The following APAF1 variants were observed in gnomAD, a reference collection of about 807,000 sequenced individuals.
The protein encoded by APAF1 is apoptotic peptidase activating factor 1, also known as apoptotic protease-activating factor 1.
A neutral mutation model predicts 152.4 loss-of-function variants in APAF1; 91 were observed. That is an observed-to-expected ratio of 0.60 (90% CI 0.50 to 0.71). The LOEUF (loss-of-function observed/expected upper bound fraction) is 0.71, where lower values mean the gene tolerates loss of function less well. Among genes scored for constraint, APAF1 ranks in the 30% least tolerant of loss-of-function variants. The pLI is 0.00. For missense variants in APAF1, 1,283 were observed against 1,472.0 expected (o/e 0.87, Z 2.10); for synonymous variants, 484 against 494.1 (o/e 0.98, Z 0.27).
intron 21 of APAF1, chr12:98,712,725 G>A (rs556673660): frequency 1.2e-4 from 42 of 337,904 alleles, no homozygotes; most frequent in Non-Finnish European, 2.0e-4. Context: ...TGTTGCCCAG[G>A]CTGGTCTCAA....
Position 98,671,628 on chromosome 12 carries a change from C to G in APAF1, c.1702C>G (p.Leu568Val). Residue 568 changes from leucine (L) to valine (V), a missense_variant, in exon 12 of 27, where the codon CTC becomes GTC. Physicochemically the swap from Leu to Val is conservative, Grantham distance 32 (BLOSUM62 1). Transcript: ENST00000551964. ...QPFPNIVQLG[L>V]CEPETSEVYQ... The stretch of plus-strand genomic sequence containing the variant: ...ATTTCCTAATATTGTACAACTGGGT[C>G]TCTGTGAGCCGGAAACTTCAGAAGT... 6.2e-7 allele frequency: 1 copy of G among 1,613,960 alleles called. No homozygotes were observed. The highest frequency in any genetic ancestry group is 8.5e-7 in the Non-Finnish European group (1 of 1,179,994).
chr12:98,727,297 C>T lies in APAF1; in HGVS notation c.3581C>T (p.Ser1194Phe). The T allele has an allele frequency of 6.8e-6, 11 of 1,614,100 alleles. No individual in the cohort carries two copies. Among genetic ancestry groups the T allele is most frequent in the Non-Finnish European group, 9.3e-6 (11 of 1,179,994 alleles). ...CFSPDGKMLI[S>F]AGGYIKWWNV... ...TCTCCAGATGGCAAAATGCTTATCT[C>T]TGCTGGAGGATATATTAAGGTAAGA... is the stretch of plus-strand genomic sequence containing the variant. The change falls in exon 26 of 27, where the codon TCT (serine) becomes TTT (phenylalanine). Residue 1194 changes from serine to phenylalanine, a missense_variant. Physicochemically the swap from Ser to Phe is radical, Grantham distance 155. Coordinates refer to ENST00000551964, the MANE Select transcript of APAF1 (RefSeq NM_181861.2).
Position 98,662,452 on chromosome 12 carries a change from T to G in APAF1, c.711-4T>G. 1.2e-6 allele frequency: 2 copies of G among 1,602,804 alleles called. No individual in the cohort carries two copies. The highest frequency in any genetic ancestry group is 1.7e-6 in the Non-Finnish European group (2 of 1,170,078). ...TAGTGATTAATATTTTTTTTTTAAA[T>G]TAGGTCTCTCTTGATCTTGGATGAT... On this transcript the variant is annotated splice_polypyrimidine_tract_variant and splice_region_variant and intron_variant, in intron 5 of 26. Transcript: ENST00000551964.
At chr12:98,658,919 G>C (rs115185919) in intron 4 of APAF1, among the ~76,000 whole-genome samples, 1 of 152,172 alleles carries the variant, frequency 6.6e-6, no homozygotes, top group Non-Finnish European at 1.5e-5. Flanking sequence ...TACTTGGTAA[G>C]ATTTTCCCGA....
intron 4 of APAF1, 126 bp from the exon 5 acceptor site, chr12:98,659,033 TA>T: frequency 2.2e-6 from 2 of 922,014 alleles, no homozygotes; most frequent in Non-Finnish European, 3.4e-6. Context: ...ATTTCTACTC[TA>T]AATCAAGAGA....
At chr12:98,727,965 TA>T (rs1480675084) in intron 26 of APAF1, among the ~76,000 whole-genome samples, 4 of 139,190 alleles carry the variant, frequency 2.9e-5, no homozygotes, top group Non-Finnish European at 4.7e-5. Flanking sequence ...AATAAATAAA[TA>T]AATTAATTAA....
Position 98,682,382 on chromosome 12 carries a change from A to G in APAF1, c.2047-761A>G, listed in dbSNP as rs529696304. Among the ~76,000 whole-genome samples the G allele has an allele frequency of 9.3e-4, 142 of 152,194 alleles. 1 individual carries two copies. The Middle Eastern group carries it at 0.01, about 11-fold the overall frequency. On this transcript the variant is annotated intron_variant, in intron 14 of 26. Transcript: ENST00000551964. ...GATTACTTTTTACTGAAAACTGAAC[A>G]CTATAAGAGGCTATAAATACTACAC... is the stretch of plus-strand genomic sequence containing the variant.
intron 21 of APAF1, among the ~76,000 whole-genome samples, chr12:98,715,034 G>T (rs1163717605): frequency 6.8e-6 from 1 of 146,224 alleles, no homozygotes; most frequent in Non-Finnish European, 1.5e-5. Context: ...TCTCATCCAG[G>T]ACTTACTTAC....
At chr12:98,709,208 T>A (rs931763570) in intron 20 of APAF1, among the ~76,000 whole-genome samples, 1 of 152,192 alleles carries the variant, frequency 6.6e-6, no homozygotes, top group Non-Finnish European at 1.5e-5. Context: ...TCAGTAAATA[T>A]TTATTGAATG....
chr12:98,730,642 A>T (rs1427333190), intron 26 of APAF1, among the ~76,000 whole-genome samples: 1 of 152,196 alleles, frequency 6.6e-6, no homozygotes, highest in Admixed American at 6.5e-5. Flanking sequence ...TTTGATTACT[A>T]GCTTATTCAA....
Position 98,680,351 on chromosome 12 carries a change from C to T in APAF1, c.1995C>T (p.Phe665=), listed in dbSNP as rs372738633. Residue 665 remains phenylalanine, a synonymous_variant, in exon 14 of 27, where the codon TTC becomes TTT. Transcript: ENST00000551964. ...AGGATGAAGTGCTTTGTTGTGCATT[C>T]TCTACAGATGACAGATTTATAGCAA... is the stretch of plus-strand genomic sequence containing the variant. ...AHEDEVLCCA[F]STDDRFIATC... The T allele has an allele frequency of 1.9e-6, 3 of 1,613,764 alleles. No homozygotes were observed. The highest frequency in any genetic ancestry group is 2.5e-6 in the Non-Finnish European group (3 of 1,179,930).
intron 16 of APAF1, 107 bp downstream of exon 16, chr12:98,686,980 C>T (rs987207137): frequency 8.8e-7 from 1 of 1,142,726 alleles, no homozygotes; most frequent in East Asian, 2.4e-5. Context: ...AAAGAGCCTG[C>T]TTCTTTCAAT....
intron 16 of APAF1, 73 bp downstream of exon 16, chr12:98,686,946 TTC>T (rs1285682181): frequency 1.3e-6 from 2 of 1,482,780 alleles, no homozygotes; most frequent in African/African-American, 2.8e-5. Context: ...AGAAATAGGT[TTC>T]TGTTTTTTCA....
intron 16 of APAF1, among the ~76,000 whole-genome samples, chr12:98,691,146 G>A (rs927115020): frequency 6.6e-5 from 10 of 152,176 alleles, no homozygotes; most frequent in Non-Finnish European, 1.5e-4. Context: ...GGCGGAAGTT[G>A]CAGTAAGCTG....
chr12:98,729,054 G>A (rs2097755999), intron 26 of APAF1, among the ~76,000 whole-genome samples: 1 of 152,198 alleles, frequency 6.6e-6, no homozygotes. Flanking sequence ...AACCAATAAA[G>A]TCCCTAAAGT....
Position 98,709,252 on chromosome 12 carries a change from T to C in APAF1, c.2841+548T>C, listed in dbSNP as rs1276719257. Among the ~76,000 whole-genome samples, 7 of 152,322 alleles carry C rather than the reference T, an allele frequency of 4.6e-5. No homozygotes were observed. In the South Asian group the frequency reaches 6.2e-4, roughly 14 times the overall value. On this transcript the variant is annotated intron_variant, in intron 20 of 26. Coordinates refer to ENST00000551964, the MANE Select transcript of APAF1 (RefSeq NM_181861.2). Reference sequence around the variant, plus strand: ...GGTCCTTGAGGAGGAAAGGGTTGTATAGTACAATTGAAAGAACTGTATTGC... The same window carrying C: ...GGTCCTTGAGGAGGAAAGGGTTGTACAGTACAATTGAAAGAACTGTATTGC...
intron 3 of APAF1, 63 bp from the exon 4 acceptor site, chr12:98,649,424 G>T: frequency 6.4e-7 from 1 of 1,559,754 alleles, no homozygotes; most frequent in Non-Finnish European, 8.8e-7. Flanking sequence ...GTTTTTTATG[G>T]TATTACTTCA....
chr12:98,659,752 G>GAA (rs34536171), intron 5 of APAF1, among the ~76,000 whole-genome samples: 3,820 of 89,436 alleles, frequency 0.043, 161 homozygotes, highest in South Asian at 0.11. Context: ...AACTCCATCA[G>GAA]AAAAAAAAAA....
rs759075433 is a variant in APAF1 at position 98,708,604 on chromosome 12, T to C, written c.2741T>C (p.Val914Ala). 1 of 1,613,414 alleles carries C rather than the reference T, an allele frequency of 6.2e-7. No homozygotes were observed. Among genetic ancestry groups the C allele is most frequent in the South Asian group, 1.1e-5 (1 of 91,054 alleles). ...QTIRLWETKKVCKNSAVMLKQ... is the reference protein window; with the variant it reads ...QTIRLWETKKACKNSAVMLKQ... ...AATCAGCTCTGGGAGACAAAGAAAG[T>C]ATGTAAGAACTCTGCTGTAATGTTA... The change falls in exon 20 of 27, where the codon GTA becomes GCA. Residue 914 changes from valine (V) to alanine (A), a missense_variant. Coordinates refer to ENST00000551964, the MANE Select transcript of APAF1 (RefSeq NM_181861.2).
Sources: gnomAD v4.1 joint callset for allele counts (sites outside exome capture counted in the v4.1 genomes callset) on GRCh38, gnomAD v4.1.1 for gene constraint, MANE v1.5 for transcripts, NCBI Gene and HGNC (gene_info 2026-07-23, HGNC 2026-07-21) for gene names.